SDK1: variants seen among roughly 807,000 people sequenced by gnomAD.
SDK1 encodes protein sidekick-1.
A neutral mutation model predicts 245.5 loss-of-function variants in SDK1; 157 were observed. That is an observed-to-expected ratio of 0.64 (90% CI 0.56 to 0.73). The LOEUF is 0.73. SDK1 is among the 30% of genes least tolerant of loss of function. The pLI is 0.00. For synonymous variants in SDK1, 1,647 were observed against 1,278.5 expected (o/e 1.29, Z -6.15); for missense variants, 3,583 against 3,002.3 (o/e 1.19, Z -4.52).
At chr7:3,399,140 A>AT (rs141899142) in intron 1 of SDK1, among the ~76,000 whole-genome samples, 10,088 of 148,970 alleles carry the variant, frequency 0.068, 982 homozygotes, top group African/African-American at 0.21. Context: ...GATTCTTTTC[A>AT]TTTTTTTTTC....
intron 1 of SDK1, among the ~76,000 whole-genome samples, chr7:3,556,646 C>T (rs942239495): frequency 1.3e-5 from 2 of 151,704 alleles, no homozygotes; most frequent in Admixed American, 1.3e-4. Flanking sequence ...CCTGGTGAAA[C>T]CTCGTCTCTA....
intron 1 of SDK1, among the ~76,000 whole-genome samples, chr7:3,496,841 A>G (rs1159115300): frequency 1.3e-5 from 2 of 152,174 alleles, no homozygotes; most frequent in African/African-American, 4.8e-5. Flanking sequence ...TGCAGGCTAG[A>G]AGATAAAATC....
intron 4 of SDK1, among the ~76,000 whole-genome samples, chr7:3,802,516 C>G (rs1779133029): frequency 1.3e-5 from 2 of 151,540 alleles, no homozygotes; most frequent in African/African-American, 4.8e-5. Context: ...ACCTGGGGAG[C>G]AGAATGAGAC....
intron 7 of SDK1, 76 bp downstream of exon 7, chr7:3,951,996 A>G (rs1780871254): frequency 7.3e-7 from 1 of 1,370,808 alleles, no homozygotes; most frequent in Non-Finnish European, 1.0e-6. Context: ...CAGAAACAAA[A>G]TAGCGTATTT....
At chr7:3,354,866 C>A (rs911121202) in intron 1 of SDK1, among the ~76,000 whole-genome samples, 1 of 152,138 alleles carries the variant, frequency 6.6e-6, no homozygotes, top group African/African-American at 2.4e-5. Context: ...TTAAAGTGTA[C>A]GTACTTGATC....
chr7:3,460,391 T>G (rs1265278966), intron 1 of SDK1, among the ~76,000 whole-genome samples: 1 of 152,218 alleles, frequency 6.6e-6, no homozygotes, highest in Non-Finnish European at 1.5e-5. Context: ...TATTACAGAC[T>G]GTACGTGTTT....
intron 38 of SDK1, among the ~76,000 whole-genome samples, chr7:4,213,187 G>A (rs1473330458): frequency 6.6e-6 from 1 of 152,188 alleles, no homozygotes; most frequent in Non-Finnish European, 1.5e-5. Flanking sequence ...GACGAGGCAA[G>A]TGGATCACGA....
intron 5 of SDK1, among the ~76,000 whole-genome samples, chr7:3,943,033 G>A (rs1187968269): frequency 6.6e-6 from 1 of 152,176 alleles, no homozygotes; most frequent in Non-Finnish European, 1.5e-5. Context: ...TGTTCGAGCT[G>A]GCTGCTGCGA....
At chr7:3,493,596 A>C (rs1254882936) in intron 1 of SDK1, among the ~76,000 whole-genome samples, 1 of 152,228 alleles carries the variant, frequency 6.6e-6, no homozygotes, top group Non-Finnish European at 1.5e-5. Context: ...TTATTTAACT[A>C]AAGGAAAGCA....
chr7:3,491,366 G>C (rs1219408151), intron 1 of SDK1, among the ~76,000 whole-genome samples: 2 of 152,206 alleles, frequency 1.3e-5, no homozygotes, highest in African/African-American at 4.8e-5. Context: ...CCAGGCATCA[G>C]TATTTTGCAA....
intron 1 of SDK1, among the ~76,000 whole-genome samples, chr7:3,334,745 G>A (rs1780156063): frequency 6.6e-6 from 1 of 151,968 alleles, no homozygotes. Context: ...ACTTCTCTTT[G>A]TGGACAATCT....
intron 1 of SDK1, among the ~76,000 whole-genome samples, chr7:3,317,328 T>C (rs1033223325): frequency 1.3e-5 from 2 of 152,216 alleles, no homozygotes; most frequent in African/African-American, 4.8e-5. Flanking sequence ...TGTATTGATT[T>C]CTGAGTATAT....
chr7:3,975,802 G>A (rs1350405676), intron 13 of SDK1, among the ~76,000 whole-genome samples: 2 of 152,242 alleles, frequency 1.3e-5, no homozygotes, highest in East Asian at 1.9e-4. Context: ...GATAGCAGAG[G>A]TAATTGTGGT....
intron 25 of SDK1, among the ~76,000 whole-genome samples, chr7:4,123,814 C>G (rs1784217454): frequency 3.3e-5 from 5 of 152,196 alleles, no homozygotes; most frequent in Admixed American, 1.3e-4. Context: ...TGACCTACAC[C>G]CAGCAGCCGA....
chr7:3,430,584 C>T (rs1477602678), intron 1 of SDK1, among the ~76,000 whole-genome samples: 1 of 152,198 alleles, frequency 6.6e-6, no homozygotes, highest in Non-Finnish European at 1.5e-5. Flanking sequence ...AGCCTCCTGT[C>T]CTATGTGACA....
chr7:3,367,608 G>A (rs1781124804), intron 1 of SDK1, among the ~76,000 whole-genome samples: 1 of 152,138 alleles, frequency 6.6e-6, no homozygotes, highest in Admixed American at 6.5e-5. Flanking sequence ...TATTTGTGCT[G>A]AATTTCCATA....
chr7:3,531,866 C>G (rs979349897), intron 1 of SDK1, among the ~76,000 whole-genome samples: 2 of 152,114 alleles, frequency 1.3e-5, no homozygotes, highest in Non-Finnish European at 2.9e-5. Flanking sequence ...TAAAAATAAG[C>G]TGTCTAGAAA....
At chr7:3,330,091 A>T (rs567364719) in intron 1 of SDK1, among the ~76,000 whole-genome samples, 1 of 151,672 alleles carries the variant, frequency 6.6e-6, no homozygotes, top group South Asian at 2.1e-4. Flanking sequence ...TTTTTTTCCC[A>T]TTTACCAGTT....
At chr7:3,319,878 C>CTTTTTTTTTTTTTTT (rs57770805) in intron 1 of SDK1, among the ~76,000 whole-genome samples, 21 of 88,126 alleles carry the variant, frequency 2.4e-4, no homozygotes, top group Non-Finnish European at 3.4e-4. Flanking sequence ...CATTCTTAGT[C>CTTTTTTTTTTTTTTT]TTTTTTTTTT....
Sources: allele counts gnomAD v4.1 joint callset (sites outside exome capture counted in the v4.1 genomes callset), GRCh38; gene constraint gnomAD v4.1.1; transcripts MANE v1.5; gene names NCBI Gene and HGNC (gene_info 2026-07-23, HGNC 2026-07-21).